CCNB3: variants seen among roughly 807,000 people sequenced by gnomAD.
CCNB3 encodes cyclin B3.
CCNB3 carries 12 observed loss-of-function variants against 68.0 expected under a neutral mutation model. The ratio of observed to expected loss-of-function variants is 0.18; its 90% confidence interval spans 0.11 to 0.29. The LOEUF (loss-of-function observed/expected upper bound fraction) is 0.29, where lower values mean the gene tolerates loss of function less well. Ranked by LOEUF, CCNB3 falls within the 10% of genes least tolerant of loss-of-function variation. CCNB3 has a pLI of 1.00. For missense variants in CCNB3, 904 were observed against 993.1 expected (o/e 0.91, Z 1.21); for synonymous variants, 354 against 388.9 (o/e 0.91, Z 1.06).
intron 1 of CCNB3, among the ~76,000 whole-genome samples, chrX:50,208,108 A>G (rs1935404943): frequency 8.9e-6 from 1 of 112,319 alleles, no homozygotes; most frequent in South Asian, 3.7e-4. Flanking sequence ...AGGGAAGCTC[A>G]TTGGAGAATC....
At chrX:50,228,071 T>C (rs1227559493) in intron 1 of CCNB3, among the ~76,000 whole-genome samples, 1 of 87,656 alleles carries the variant, frequency 1.1e-5, no homozygotes, top group Admixed American at 1.5e-4. Context: ...AGAGAATATA[T>C]ATATAAATAT....
intron 8 of CCNB3, among the ~76,000 whole-genome samples, chrX:50,315,116 A>G (rs1386962423): frequency 3.6e-5 from 4 of 111,733 alleles, no homozygotes; most frequent in Non-Finnish European, 7.5e-5. Context: ...GTTTGCATAT[A>G]TTATCCCCCC....
intron 1 of CCNB3, among the ~76,000 whole-genome samples, chrX:50,207,018 G>A (rs1232216312): frequency 1.6e-4 from 18 of 111,784 alleles, no homozygotes; most frequent in South Asian, 3.8e-4. Context: ...TAAAAAAGCC[G>A]TCTTGAGAAG....
chrX:50,279,824 TATAA>T (rs1447930485), intron 1 of CCNB3, among the ~76,000 whole-genome samples: 1 of 87,954 alleles, frequency 1.1e-5, no homozygotes, highest in African/African-American at 4.3e-5. Flanking sequence ...ATGGTATTTA[TATAA>T]ATACATATAC....
chrX:50,320,864 CT>C (rs1214965624), intron 8 of CCNB3, among the ~76,000 whole-genome samples: 1 of 110,777 alleles, frequency 9.0e-6, no homozygotes, highest in Non-Finnish European at 1.9e-5. Context: ...CTGACTTTTT[CT>C]TCATATAACA....
rs140633369 is a variant in CCNB3 at position 50,295,717 on chromosome X, C to T, written c.335+724C>T. On this transcript the variant is annotated intron_variant, in intron 5 of 12. Transcript: ENST00000376042. Reference sequence around the variant, plus strand: ...CAGCATCTTTTCAGTTATTTGCTAGCCAGAAGGCCTGGTATAGAGCACAGA... The same window carrying T: ...CAGCATCTTTTCAGTTATTTGCTAGTCAGAAGGCCTGGTATAGAGCACAGA... 4.9e-3 allele frequency among the ~76,000 whole-genome samples: 542 copies of T among 111,377 alleles called. 2 individuals are homozygous for T. The highest frequency in any genetic ancestry group is 0.017 in the African/African-American group (509 of 30,652).
chrX:50,346,859 T>G (rs782114805), intron 10 of CCNB3, 52 bp downstream of exon 10: 81 of 1,134,788 alleles, frequency 7.1e-5, no homozygotes, highest in Non-Finnish European at 7.7e-5. Context: ...TTAGTCTCCT[T>G]TATACCCAGA....
chrX:50,318,128 C>G (rs945177405), intron 8 of CCNB3, among the ~76,000 whole-genome samples: 1 of 109,278 alleles, frequency 9.2e-6, no homozygotes, highest in Non-Finnish European at 1.9e-5. Context: ...GTGTCTCTTC[C>G]TTCACCAATA....
At chrX:50,325,619 C>G (rs1922257967) in intron 8 of CCNB3, among the ~76,000 whole-genome samples, 1 of 112,243 alleles carries the variant, frequency 8.9e-6, no homozygotes, top group African/African-American at 3.2e-5. Context: ...GGGTTTTCCA[C>G]AGACCTCTGA....
At chrX:50,223,211 C>G (rs951123713) in intron 1 of CCNB3, among the ~76,000 whole-genome samples, 6 of 110,832 alleles carry the variant, frequency 5.4e-5, no homozygotes, top group African/African-American at 2.0e-4. Flanking sequence ...TTAGAACATG[C>G]TCCTTTAGCT....
chrX:50,227,513 A>G (rs893156297), intron 1 of CCNB3, among the ~76,000 whole-genome samples: 3 of 76,723 alleles, frequency 3.9e-5, no homozygotes, highest in Non-Finnish European at 7.3e-5. Flanking sequence ...ATATATGTAT[A>G]AATATATATG....
Position 50,308,686 on chromosome X carries a change from A to C in CCNB3, c.517A>C (p.Asn173His), listed in dbSNP as rs782168893. The change falls in exon 6 of 13, where the codon AAT becomes CAT. Residue 173 changes from asparagine to histidine, a missense_variant. Physicochemically the swap from Asn to His is moderately conservative, Grantham distance 68 (BLOSUM62 1). This residue lies in a region of CCNB3 where 619 missense variants were observed against 609.8 expected (regional missense o/e 1.02). Coordinates refer to ENST00000376042, the MANE Select transcript of CCNB3 (RefSeq NM_033031.3). ...EPTIEDETLI[N>H]KSLSLKKCSN... ...CACTATTGAGGATGAAACCCTTATCAATAAGTCATTATCTTTAAAAAAGTG... is the reference window on the plus strand; with the variant it reads ...CACTATTGAGGATGAAACCCTTATCCATAAGTCATTATCTTTAAAAAAGTG... 2 of 1,211,393 alleles carry C rather than the reference A, an allele frequency of 1.7e-6. No homozygotes were observed. The highest frequency in any genetic ancestry group is 1.8e-5 in the South Asian group (1 of 56,960).
intron 1 of CCNB3, among the ~76,000 whole-genome samples, chrX:50,226,212 T>TTATATATATAGAATATATATATTC (rs1935772747): frequency 3.3e-5 from 2 of 61,430 alleles, no homozygotes; most frequent in Non-Finnish European, 5.1e-5. Flanking sequence ...ATATATATAT[T>TTATATATATAGAATATATATATTC]TATATATATA....
intron 1 of CCNB3, among the ~76,000 whole-genome samples, chrX:50,211,561 T>C (rs1169703081): frequency 0.026 from 2,922 of 110,807 alleles, 104 homozygotes; most frequent in African/African-American, 0.092. Flanking sequence ...CCTCCTGTAG[T>C]ACCGGTTACT....
intron 8 of CCNB3, among the ~76,000 whole-genome samples, chrX:50,333,887 A>G (rs1310805525): frequency 9.9e-5 from 11 of 111,240 alleles, no homozygotes; most frequent in African/African-American, 3.6e-4. Context: ...TGAGGTTTCC[A>G]CACTGCCTCT....
chrX:50,212,527 A>C (rs1935499402), intron 1 of CCNB3, among the ~76,000 whole-genome samples: 1 of 111,825 alleles, frequency 8.9e-6, no homozygotes, highest in Non-Finnish European at 1.9e-5. Context: ...TTTATATACC[A>C]TGTAACTTGT....
intron 1 of CCNB3, among the ~76,000 whole-genome samples, chrX:50,222,437 A>G (rs928537277): frequency 1.4e-3 from 161 of 111,348 alleles, no homozygotes; most frequent in African/African-American, 4.4e-3. Context: ...TGCTTCCTTC[A>G]GGAGCTCTTG....
chrX:50,348,044 G>T (rs1470151506), intron 11 of CCNB3, among the ~76,000 whole-genome samples: 1 of 111,599 alleles, frequency 9.0e-6, no homozygotes, highest in African/African-American at 3.3e-5. Flanking sequence ...CTACTGTGAA[G>T]GTATTCTGGT....
chrX:50,322,776 C>T, intron 8 of CCNB3, among the ~76,000 whole-genome samples: 1 of 111,857 alleles, frequency 8.9e-6, no homozygotes, highest in African/African-American at 3.3e-5. Context: ...ACAGACACTT[C>T]TCAAAAGAAG....
Sources: allele counts gnomAD v4.1 joint callset (sites outside exome capture counted in the v4.1 genomes callset), GRCh38; gene constraint gnomAD v4.1.1; regional missense constraint gnomAD v4.1.1; transcripts MANE v1.5; gene names NCBI Gene and HGNC (gene_info 2026-07-23, HGNC 2026-07-21).